GRM7: variants seen among roughly 807,000 people sequenced by gnomAD.
GRM7 encodes metabotropic glutamate receptor 7.
GRM7 carries 35 observed loss-of-function variants against 84.5 expected under a neutral mutation model. The ratio of observed to expected loss-of-function variants is 0.41; its 90% CI spans 0.32 to 0.55. GRM7 has a LOEUF of 0.55. GRM7 is among the 20% of genes least tolerant of loss of function. The pLI, the probability that GRM7 is intolerant of heterozygous loss-of-function variation, is 0.19. For synonymous variants in GRM7, 487 were observed against 455.1 expected, an observed-to-expected ratio of 1.07 and a Z score of -0.89; for missense variants, 1,003 against 1,194.6, an observed-to-expected ratio of 0.84 and a Z score of 2.36.
At position 7,604,923 on chromosome 3, in the gene GRM7, G is replaced by A. The variant is rs559357998; in HGVS notation, c.2451+25566G>A. Among the ~76,000 whole-genome samples the A allele has an allele frequency of 1.1e-3, 163 of 152,248 alleles. 1 individual carries two copies. Among genetic ancestry groups the A allele is most frequent in the Non-Finnish European group, 1.8e-3 (121 of 68,006 alleles). On this transcript the variant is annotated intron_variant, in intron 8 of 9. Coordinates refer to ENST00000357716, the MANE Select transcript of GRM7 (RefSeq NM_000844.4). The stretch of plus-strand genomic sequence containing the variant: ...GAATTATCAAAAGCTTAAGAAAATA[G>A]AAAAGTGCTTCCTTATCTAATCAAA...
chr3:7,175,208 G>C (rs1695106325), intron 2 of GRM7, among the ~76,000 whole-genome samples: 1 of 152,210 alleles, frequency 6.6e-6, no homozygotes, highest in Non-Finnish European at 1.5e-5. Flanking sequence ...CATTCTGCTA[G>C]AGACAGCTCT....
chr3:7,271,334 T>A (rs1005817729), intron 2 of GRM7, among the ~76,000 whole-genome samples: 1 of 151,376 alleles, frequency 6.6e-6, no homozygotes, highest in Non-Finnish European at 1.5e-5. Context: ...CCGAGGCGGG[T>A]GGATCACGAG....
chr3:7,350,691 A>G (rs1172092774), intron 4 of GRM7, among the ~76,000 whole-genome samples: 1 of 152,132 alleles, frequency 6.6e-6, no homozygotes, highest in East Asian at 1.9e-4. Flanking sequence ...CCATAACTAT[A>G]TATTACTTTG....
intron 2 of GRM7, among the ~76,000 whole-genome samples, chr3:7,293,739 A>T (rs886975048): frequency 6.6e-6 from 1 of 152,152 alleles, no homozygotes; most frequent in Admixed American, 6.5e-5. Context: ...GCCATGAAAA[A>T]TTCCATTTTT....
intron 1 of GRM7, among the ~76,000 whole-genome samples, chr3:6,987,814 G>A (rs916451863): frequency 6.6e-6 from 1 of 152,130 alleles, no homozygotes; most frequent in African/African-American, 2.4e-5. Flanking sequence ...CCAGGAAGGT[G>A]GTTCTGGACC....
intron 1 of GRM7, among the ~76,000 whole-genome samples, chr3:7,049,481 C>T (rs563259580): frequency 2.0e-5 from 3 of 151,900 alleles, no homozygotes; most frequent in Non-Finnish European, 2.9e-5. Flanking sequence ...CAATTATTTC[C>T]ACCTGGCCCT....
chr3:7,291,222 T>C (rs944748176), intron 2 of GRM7, among the ~76,000 whole-genome samples: 2 of 152,074 alleles, frequency 1.3e-5, no homozygotes, highest in African/African-American at 4.8e-5. Flanking sequence ...TTTAGGACAA[T>C]GTACAGTTGC....
chr3:7,155,694 A>T (rs1309764912), intron 2 of GRM7, among the ~76,000 whole-genome samples: 1 of 152,132 alleles, frequency 6.6e-6, no homozygotes, highest in African/African-American at 2.4e-5. Context: ...TGGCAAACGA[A>T]TTCCTGCTGT....
At chr3:7,207,416 C>T (rs948956469) in intron 2 of GRM7, among the ~76,000 whole-genome samples, 55 of 152,142 alleles carry the variant, frequency 3.6e-4, no homozygotes, top group African/African-American at 1.3e-3. Context: ...TTAATGCCAT[C>T]TTCCCTCACT....
chr3:7,452,908 A>C (rs1041573031), intron 6 of GRM7, 101 bp downstream of exon 6: 2 of 722,522 alleles, frequency 2.8e-6, no homozygotes, highest in Non-Finnish European at 4.6e-6. Context: ...ATATGTGTCA[A>C]AACTTGCTTG....
chr3:6,978,737 T>C (rs543967626), intron 1 of GRM7, among the ~76,000 whole-genome samples: 1 of 152,254 alleles, frequency 6.6e-6, no homozygotes, highest in East Asian at 1.9e-4. Context: ...AAAGGACCTC[T>C]TGGAACATTT....
At chr3:7,529,098 A>T (rs1239536) in intron 7 of GRM7, among the ~76,000 whole-genome samples, 1 of 151,778 alleles carries the variant, frequency 6.6e-6, no homozygotes, top group Admixed American at 6.6e-5. Context: ...AATATTGTCA[A>T]TGGGGTGTTG....
At chr3:7,560,312 C>T (rs1693956509) in intron 7 of GRM7, 1 of 152,058 alleles carries the variant, frequency 6.6e-6, no homozygotes. Flanking sequence ...AGGATGCTCC[C>T]ATATCCTCCT....
chr3:7,501,716 T>G (rs527483909), intron 7 of GRM7, among the ~76,000 whole-genome samples: 5 of 152,240 alleles, frequency 3.3e-5, no homozygotes, highest in Admixed American at 2.0e-4. Context: ...ACCATTTTCT[T>G]TGTAGGAAGC....
intron 1 of GRM7, among the ~76,000 whole-genome samples, chr3:6,879,309 C>A (rs535958620): frequency 6.6e-6 from 1 of 152,248 alleles, no homozygotes; most frequent in African/African-American, 2.4e-5. Flanking sequence ...AATTGTATTA[C>A]ATTTATAGAA....
At chr3:7,184,207 G>C (rs961385226) in intron 2 of GRM7, among the ~76,000 whole-genome samples, 1 of 152,048 alleles carries the variant, frequency 6.6e-6, no homozygotes, top group African/African-American at 2.4e-5. Flanking sequence ...AGCAGAAAAT[G>C]CAGCTTATAT....
intron 1 of GRM7, among the ~76,000 whole-genome samples, chr3:6,896,033 C>G (rs1275202279): frequency 1.3e-5 from 2 of 152,096 alleles, no homozygotes; most frequent in Non-Finnish European, 2.9e-5. Context: ...TATTTCTAAT[C>G]AATGCAAATA....
intron 1 of GRM7, among the ~76,000 whole-genome samples, chr3:6,886,826 TC>T (rs1695714690): frequency 6.6e-6 from 1 of 151,772 alleles, no homozygotes; most frequent in South Asian, 2.1e-4. Flanking sequence ...GCTTAGGATG[TC>T]CTAAGCACTT....
chr3:7,309,220 T>C (rs557202361), intron 4 of GRM7, among the ~76,000 whole-genome samples: 12 of 152,330 alleles, frequency 7.9e-5, no homozygotes, highest in African/African-American at 2.9e-4. Context: ...ATAGCATCTA[T>C]GCATTTACAG....
Sources: allele counts gnomAD v4.1 joint callset (sites outside exome capture counted in the v4.1 genomes callset), GRCh38; gene constraint gnomAD v4.1.1; transcripts MANE v1.5; gene names NCBI Gene and HGNC (gene_info 2026-07-23, HGNC 2026-07-21).